Variants in TSHZ2 observed in about 807,000 individuals in gnomAD.
The protein encoded by TSHZ2 is teashirt homolog 2.
Under a neutral mutation model 74.4 loss-of-function variants are expected in TSHZ2, and 21 were observed. That is an observed-to-expected ratio of 0.28 (90% CI 0.20 to 0.41). The LOEUF is 0.41. Among genes scored for constraint, TSHZ2 ranks in the 10% least tolerant of loss-of-function variants. TSHZ2 has a pLI of 1.00. For synonymous variants in TSHZ2, 540 were observed against 515.3 expected (o/e 1.05, Z -0.65); for missense variants, 1,244 against 1,293.5 (o/e 0.96, Z 0.59).
intron 1 of TSHZ2, among the ~76,000 whole-genome samples, chr20:53,024,766 G>A (rs1983376137): frequency 1.3e-5 from 2 of 152,128 alleles, no homozygotes. Flanking sequence ...CTGTTCTTGT[G>A]TTAGTTTGCT....
chr20:52,980,251 A>G (rs973963685), intron 1 of TSHZ2, among the ~76,000 whole-genome samples: 5 of 152,218 alleles, frequency 3.3e-5, no homozygotes, highest in Admixed American at 3.3e-4. Context: ...TTAGCTAAAC[A>G]TCTCTTCTTG....
intron 1 of TSHZ2, among the ~76,000 whole-genome samples, chr20:52,979,714 C>G (rs1482947499): frequency 6.6e-6 from 1 of 152,166 alleles, no homozygotes; most frequent in East Asian, 1.9e-4. Context: ...AAGACATCCT[C>G]TGGGCACCCT....
chr20:53,415,505 C>A (rs1410432220), intron 2 of TSHZ2, among the ~76,000 whole-genome samples: 6 of 151,962 alleles, frequency 3.9e-5, no homozygotes, highest in Non-Finnish European at 7.4e-5. Context: ...ACACACACAG[C>A]CTCCTACTCT....
At position 53,238,601 on chromosome 20, in the gene TSHZ2, A is replaced by G. The variant is rs192583195; in HGVS notation, c.41-14898A>G. ...TTCATTTCACCTCCCTGCTCCTTAA[A>G]CAAATGATCAGATATTTAAACACAC... On this transcript the variant is annotated intron_variant, in intron 1 of 2. Transcript: ENST00000371497. Among the ~76,000 whole-genome samples, 94 of 152,274 alleles carry G rather than the reference A, an allele frequency of 6.2e-4. 1 individual carries two copies. In the East Asian group the frequency reaches 0.014, roughly 23 times the overall value.
chr20:53,239,989 ATTTG>A (rs1448312844), intron 1 of TSHZ2, among the ~76,000 whole-genome samples: 3 of 152,170 alleles, frequency 2.0e-5, no homozygotes, highest in Non-Finnish European at 2.9e-5. Flanking sequence ...AAAGGGTATT[ATTTG>A]TTCATGAAAT....
chr20:53,227,911 C>T lies in TSHZ2; in HGVS notation c.41-25588C>T, dbSNP rs77186660. Among the ~76,000 whole-genome samples, 481 of 151,494 alleles carry T rather than the reference C, an allele frequency of 3.2e-3. 1 individual carries two copies. Among genetic ancestry groups the T allele is most frequent in the Middle Eastern group, 0.017 (5 of 292 alleles). On this transcript the variant is annotated intron_variant, in intron 1 of 2. Transcript: ENST00000371497. The stretch of plus-strand genomic sequence containing the variant: ...TTTCTCTCCTTTTTCTTATTTTTAA[C>T]GAACTGAAGTTTCAAAGTTTTACCA...
chr20:53,395,355 T>G (rs1982408782), intron 2 of TSHZ2, among the ~76,000 whole-genome samples: 1 of 152,170 alleles, frequency 6.6e-6, no homozygotes, highest in South Asian at 2.1e-4. Context: ...AGGAGAAAGA[T>G]TCTGTGCAGG....
intron 1 of TSHZ2, among the ~76,000 whole-genome samples, chr20:53,233,758 A>G (rs572415076): frequency 5.9e-5 from 9 of 152,336 alleles, no homozygotes; most frequent in Admixed American, 3.9e-4. Flanking sequence ...ACTCTGTAGT[A>G]TAAATTCAGA....
At chr20:53,271,490 G>C (rs967723198) in intron 2 of TSHZ2, among the ~76,000 whole-genome samples, 3 of 152,204 alleles carry the variant, frequency 2.0e-5, no homozygotes, top group Admixed American at 1.3e-4. Context: ...TGGGTGAACA[G>C]GTCTAACAGC....
chr20:53,227,979 A>T (rs1034363157), intron 1 of TSHZ2, among the ~76,000 whole-genome samples: 1 of 150,594 alleles, frequency 6.6e-6, no homozygotes, highest in African/African-American at 2.4e-5. Context: ...AATGGGCCCA[A>T]GTACGTAGCA....
chr20:53,439,610 TGAA>T (rs1765707998), intron 2 of TSHZ2, among the ~76,000 whole-genome samples: 1 of 152,158 alleles, frequency 6.6e-6, no homozygotes, highest in African/African-American at 2.4e-5. Flanking sequence ...TCACCCAGAG[TGAA>T]GAATAGCCTA....
intron 1 of TSHZ2, among the ~76,000 whole-genome samples, chr20:53,180,669 C>T (rs1246344632): frequency 6.6e-6 from 1 of 152,124 alleles, no homozygotes. Flanking sequence ...ATTAGGAGCA[C>T]ACCATTCGGG....
intron 2 of TSHZ2, among the ~76,000 whole-genome samples, chr20:53,359,099 T>C (rs904856351): frequency 6.6e-6 from 1 of 152,168 alleles, no homozygotes; most frequent in Non-Finnish European, 1.5e-5. Flanking sequence ...CTGTAAGTAC[T>C]ATTTTTTTGG....
At chr20:53,029,547 G>A (rs1428301608) in intron 1 of TSHZ2, among the ~76,000 whole-genome samples, 1 of 152,276 alleles carries the variant, frequency 6.6e-6, no homozygotes, top group Admixed American at 6.5e-5. Context: ...GTGGAGGCAC[G>A]TGCCTGTAAT....
At chr20:53,288,810 T>G (rs1018575385) in intron 2 of TSHZ2, among the ~76,000 whole-genome samples, 3 of 152,174 alleles carry the variant, frequency 2.0e-5, no homozygotes, top group African/African-American at 7.2e-5. Flanking sequence ...TGTTTTAATA[T>G]TTTATTTTAT....
intron 1 of TSHZ2, among the ~76,000 whole-genome samples, chr20:53,160,490 C>T (rs527396949): frequency 1.8e-3 from 273 of 152,126 alleles, no homozygotes; most frequent in African/African-American, 6.0e-3. Context: ...TTTTCAGGGC[C>T]GGGGGCAGTG....
At chr20:53,050,126 C>CATAT (rs57820338) in intron 1 of TSHZ2, among the ~76,000 whole-genome samples, 13 of 100,992 alleles carry the variant, frequency 1.3e-4, no homozygotes, top group East Asian at 3.1e-4. Context: ...TATATATATA[C>CATAT]ACATATATAT....
intron 2 of TSHZ2, among the ~76,000 whole-genome samples, chr20:53,305,391 A>G (rs919550770): frequency 6.6e-6 from 1 of 152,124 alleles, no homozygotes; most frequent in Non-Finnish European, 1.5e-5. Context: ...TGGATAGCCA[A>G]GTTTTTTTCT....
intron 1 of TSHZ2, among the ~76,000 whole-genome samples, chr20:52,982,184 C>G (rs1981590762): frequency 6.6e-6 from 1 of 152,196 alleles, no homozygotes; most frequent in Admixed American, 6.5e-5. Flanking sequence ...CCCTGTTTTA[C>G]TGATGAGAAT....
Sources: allele counts gnomAD v4.1 joint callset (sites outside exome capture counted in the v4.1 genomes callset), GRCh38; gene constraint gnomAD v4.1.1; transcripts MANE v1.5; gene names NCBI Gene and HGNC (gene_info 2026-07-23, HGNC 2026-07-21).